The following LDLRAD4 variants were observed in gnomAD, a reference collection of about 807,000 sequenced individuals.
LDLRAD4 encodes the protein low-density lipoprotein receptor class A domain-containing protein 4.
In LDLRAD4, 5 loss-of-function variants were observed where a neutral mutation model predicts 17.0. The ratio of observed to expected loss-of-function variants is 0.29; its 90% CI spans 0.15 to 0.62. LDLRAD4 has a LOEUF of 0.62. Among genes scored for constraint, LDLRAD4 ranks in the 20% least tolerant of loss-of-function variants. The pLI is 0.84. For synonymous variants in LDLRAD4, 168 were observed against 171.8 expected (o/e 0.98, Z 0.17); for missense variants, 340 against 424.7 (o/e 0.80, Z 1.75).
intron 1 of LDLRAD4, among the ~76,000 whole-genome samples, chr18:13,260,674 C>G (rs972618786): frequency 6.6e-6 from 1 of 152,214 alleles, no homozygotes; most frequent in African/African-American, 2.4e-5. Flanking sequence ...CCCTCTCCCT[C>G]CCTCCTTACA....
intron 1 of LDLRAD4, among the ~76,000 whole-genome samples, chr18:13,239,274 C>G (rs978793503): frequency 6.6e-6 from 1 of 151,428 alleles, no homozygotes; most frequent in African/African-American, 2.4e-5. Flanking sequence ...AGGGGCCTGG[C>G]GTTAGGGAGA....
chr18:13,302,326 C>T (rs1347430705), intron 1 of LDLRAD4, among the ~76,000 whole-genome samples: 2 of 152,170 alleles, frequency 1.3e-5, no homozygotes, highest in African/African-American at 4.8e-5. Context: ...GTTTGCCAAA[C>T]CTGGCGTTTG....
chr18:13,334,159 G>A (rs972889620), intron 1 of LDLRAD4, among the ~76,000 whole-genome samples: 1 of 152,082 alleles, frequency 6.6e-6, no homozygotes, highest in Non-Finnish European at 1.5e-5. Flanking sequence ...TTTTGGGAGT[G>A]ATAATTTGAA....
At chr18:13,566,627 G>T (rs1189215241) in intron 3 of LDLRAD4, among the ~76,000 whole-genome samples, 2 of 152,234 alleles carry the variant, frequency 1.3e-5, no homozygotes, top group East Asian at 3.9e-4. Context: ...TCCCAAAGCG[G>T]TGGGATTACA....
At chr18:13,269,905 T>C (rs2044430406) in intron 1 of LDLRAD4, among the ~76,000 whole-genome samples, 1 of 152,212 alleles carries the variant, frequency 6.6e-6, no homozygotes, top group South Asian at 2.1e-4. Flanking sequence ...AACATGCTTA[T>C]GGGTATCACT....
At chr18:13,559,614 A>T (rs2094519170) in intron 3 of LDLRAD4, among the ~76,000 whole-genome samples, 2 of 152,350 alleles carry the variant, frequency 1.3e-5, no homozygotes, top group South Asian at 4.1e-4. Context: ...AAATGCAAGT[A>T]TATCTGTGTA....
chr18:13,586,397 ACT>A (rs1418056433), intron 3 of LDLRAD4, among the ~76,000 whole-genome samples: 1 of 149,334 alleles, frequency 6.7e-6, no homozygotes, highest in South Asian at 2.1e-4. Flanking sequence ...ACAGAGCAAG[ACT>A]CTGTCTCAAA....
chr18:13,386,891 CATAGATAGATAG>C (rs71174169), intron 1 of LDLRAD4, among the ~76,000 whole-genome samples: 4,105 of 146,848 alleles, frequency 0.028, 81 homozygotes, highest in Middle Eastern at 0.048. Context: ...CCCTGTCATT[CATAGATAGATAG>C]ATAGATAGAT....
upstream of LDLRAD4, chr18:13,218,231 GGCTGGGGCCGGAGGGAGAA>G (rs1407543392): frequency 2.0e-5 from 3 of 152,368 alleles, no homozygotes; most frequent in African/African-American, 7.2e-5. Context: ...CTGCGCCGTC[GGCTGGGGCCGGAGGGAGAA>G]GCTGGGCGCC....
At chr18:13,286,578 G>C (rs115028839) in intron 1 of LDLRAD4, among the ~76,000 whole-genome samples, 1 of 152,170 alleles carries the variant, frequency 6.6e-6, no homozygotes, top group South Asian at 2.1e-4. Context: ...TCACTATGTT[G>C]CCCGGGCTGG....
chr18:13,593,599 A>G (rs913448680), intron 3 of LDLRAD4, among the ~76,000 whole-genome samples: 1 of 152,046 alleles, frequency 6.6e-6, no homozygotes, highest in Non-Finnish European at 1.5e-5. Flanking sequence ...CCATCCATCC[A>G]TCCATCCTAT....
At chr18:13,239,739 G>A (rs2042532793) in intron 1 of LDLRAD4, 1 of 152,314 alleles carries the variant, frequency 6.6e-6, no homozygotes, top group Admixed American at 6.5e-5. Context: ...TGTCCTTGGC[G>A]GGCCTGGAAA....
At chr18:13,505,618 G>C (rs1600918626) in intron 3 of LDLRAD4, among the ~76,000 whole-genome samples, 2 of 152,234 alleles carry the variant, frequency 1.3e-5, no homozygotes. Context: ...AGGAGATTGA[G>C]ACCATCCTGG....
intron 3 of LDLRAD4, among the ~76,000 whole-genome samples, chr18:13,535,868 T>A (rs1427680880): frequency 6.6e-6 from 1 of 152,206 alleles, no homozygotes; most frequent in Non-Finnish European, 1.5e-5. Flanking sequence ...CTTTTTGAAA[T>A]AAAGATACAA....
At chr18:13,272,558 G>T (rs1239494214) in intron 1 of LDLRAD4, among the ~76,000 whole-genome samples, 1 of 152,236 alleles carries the variant, frequency 6.6e-6, no homozygotes, top group Non-Finnish European at 1.5e-5. Context: ...CCTCCTGGCC[G>T]CGTTAGTGTC....
chr18:13,263,309 G>T (rs1248743547), intron 1 of LDLRAD4, among the ~76,000 whole-genome samples: 1 of 151,990 alleles, frequency 6.6e-6, no homozygotes, highest in Non-Finnish European at 1.5e-5. Flanking sequence ...GTCCCATGCG[G>T]CTCTGTGTGT....
At chr18:13,612,908 G>A in intron 3 of LDLRAD4, 1 of 991,054 alleles carries the variant, frequency 1.0e-6, no homozygotes, top group Non-Finnish European at 1.5e-6. Flanking sequence ...CTACCTAAGA[G>A]GGGTCTGTCA....
At chr18:13,370,544 C>T (rs777171662) in intron 1 of LDLRAD4, among the ~76,000 whole-genome samples, 9 of 152,104 alleles carry the variant, frequency 5.9e-5, no homozygotes, top group Non-Finnish European at 8.8e-5. Flanking sequence ...GACTCTACAG[C>T]GGCACCATAT....
At chr18:13,272,725 G>C (rs914182134) in intron 1 of LDLRAD4, among the ~76,000 whole-genome samples, 1 of 152,230 alleles carries the variant, frequency 6.6e-6, no homozygotes, top group Non-Finnish European at 1.5e-5. Context: ...GCCATGGCCA[G>C]TGCATGGTCA....
Sources: gnomAD v4.1 joint callset for allele counts (sites outside exome capture counted in the v4.1 genomes callset) on GRCh38, gnomAD v4.1.1 for gene constraint, MANE v1.5 for transcripts, NCBI Gene and HGNC (gene_info 2026-07-23, HGNC 2026-07-21) for gene names.